Variants in NPAS3 observed in about 807,000 individuals in gnomAD.
NPAS3 encodes neuronal PAS domain-containing protein 3.
In NPAS3, 14 loss-of-function variants were observed where a neutral mutation model predicts 73.1. That is an observed-to-expected ratio of 0.19 (90% CI 0.13 to 0.30). The LOEUF (loss-of-function observed/expected upper bound fraction) is 0.30, where lower values mean the gene tolerates loss of function less well. Ranked by LOEUF, NPAS3 falls within the 10% of genes least tolerant of loss-of-function variation. NPAS3 has a pLI of 1.00. For missense variants in NPAS3, 1,096 were observed against 1,250.0 expected (o/e 0.88, Z 1.86); for synonymous variants, 620 against 541.5 (o/e 1.14, Z -2.01).
At chr14:33,621,234 A>G (rs2058067650) in intron 5 of NPAS3, among the ~76,000 whole-genome samples, 1 of 152,200 alleles carries the variant, frequency 6.6e-6, no homozygotes, top group Non-Finnish European at 1.5e-5. Flanking sequence ...ATGAGGAAGT[A>G]TCATGAAAGA....
At chr14:33,637,134 T>G (rs1186756024) in intron 5 of NPAS3, among the ~76,000 whole-genome samples, 1 of 152,162 alleles carries the variant, frequency 6.6e-6, no homozygotes, top group East Asian at 1.9e-4. Flanking sequence ...TTCTTTGGAG[T>G]GACTTTTAGT....
chr14:33,249,091 T>A (rs2048486949), intron 3 of NPAS3, among the ~76,000 whole-genome samples: 1 of 152,124 alleles, frequency 6.6e-6, no homozygotes, highest in African/African-American at 2.4e-5. Flanking sequence ...CTGACATGTC[T>A]GAGGAAATAA....
chr14:33,016,030 T>C (rs935465362), intron 1 of NPAS3, among the ~76,000 whole-genome samples: 2 of 151,600 alleles, frequency 1.3e-5, no homozygotes, highest in African/African-American at 4.8e-5. Context: ...GTCGTGTAGG[T>C]ATAGTAATGT....
intron 5 of NPAS3, among the ~76,000 whole-genome samples, chr14:33,590,863 A>G (rs1362703599): frequency 1.3e-5 from 2 of 152,158 alleles, no homozygotes; most frequent in African/African-American, 4.8e-5. Context: ...ATTTATTCCA[A>G]AAAGATTTAT....
intron 4 of NPAS3, among the ~76,000 whole-genome samples, chr14:33,558,519 C>T (rs1314840614): frequency 6.6e-6 from 1 of 151,972 alleles, no homozygotes; most frequent in Non-Finnish European, 1.5e-5. Context: ...CTTGGCTTCC[C>T]AAAGTGCTAG....
At chr14:33,657,484 T>G (rs941523887) in intron 5 of NPAS3, among the ~76,000 whole-genome samples, 23 of 152,238 alleles carry the variant, frequency 1.5e-4, no homozygotes, top group Middle Eastern at 3.2e-3. Context: ...TGTAGTTTCT[T>G]AAGTTCCTGG....
intron 2 of NPAS3, among the ~76,000 whole-genome samples, chr14:33,203,877 A>G (rs549487716): frequency 6.6e-6 from 1 of 152,278 alleles, no homozygotes; most frequent in South Asian, 2.1e-4. Flanking sequence ...TTCTAGTTCT[A>G]GATCCCTGAG....
chr14:33,375,909 G>A (rs2046293178), intron 4 of NPAS3, among the ~76,000 whole-genome samples: 1 of 152,154 alleles, frequency 6.6e-6, no homozygotes, highest in Non-Finnish European at 1.5e-5. Context: ...CTGGCAATGT[G>A]CATTTCACCT....
intron 4 of NPAS3, among the ~76,000 whole-genome samples, chr14:33,458,706 A>G (rs1373424325): frequency 6.6e-6 from 1 of 152,226 alleles, no homozygotes; most frequent in Admixed American, 6.5e-5. Context: ...TTTGTGTTAT[A>G]TGAAAAAGTC....
chr14:33,714,681 G>A (rs922341480), intron 6 of NPAS3, among the ~76,000 whole-genome samples: 1 of 152,086 alleles, frequency 6.6e-6, no homozygotes, highest in African/African-American at 2.4e-5. Context: ...AATTTATCCT[G>A]GAGTCATGAA....
chr14:33,728,348 C>A (rs967096639), intron 6 of NPAS3, among the ~76,000 whole-genome samples: 15 of 152,172 alleles, frequency 9.9e-5, no homozygotes, highest in African/African-American at 3.4e-4. Flanking sequence ...GTTATTACAT[C>A]ATTATTGAAT....
intron 5 of NPAS3, among the ~76,000 whole-genome samples, chr14:33,593,162 T>A (rs1464365135): frequency 6.6e-6 from 1 of 152,156 alleles, no homozygotes; most frequent in Non-Finnish European, 1.5e-5. Flanking sequence ...GTATCAGGCA[T>A]GGTACTAGAT....
chr14:33,255,526 T>A (rs918441162), intron 3 of NPAS3, among the ~76,000 whole-genome samples: 1 of 152,058 alleles, frequency 6.6e-6, no homozygotes, highest in Non-Finnish European at 1.5e-5. Context: ...TTAAAGTGTA[T>A]TTTTTTTCCA....
At chr14:33,145,725 C>G (rs1462173355) in intron 2 of NPAS3, among the ~76,000 whole-genome samples, 1 of 151,998 alleles carries the variant, frequency 6.6e-6, no homozygotes, top group Non-Finnish European at 1.5e-5. Context: ...ATTGCCTATT[C>G]GTTTCTTTCC....
At chr14:33,382,233 T>C (rs563580414) in intron 4 of NPAS3, among the ~76,000 whole-genome samples, 1 of 152,212 alleles carries the variant, frequency 6.6e-6, no homozygotes, top group Admixed American at 6.5e-5. Flanking sequence ...TTACAATTCA[T>C]TGCATTGAAA....
chr14:33,705,526 C>T (rs927925300), intron 6 of NPAS3, among the ~76,000 whole-genome samples: 1 of 152,182 alleles, frequency 6.6e-6, no homozygotes, highest in Non-Finnish European at 1.5e-5. Flanking sequence ...ATGAAAAAGA[C>T]TTTCTTTTGT....
At chr14:33,798,740 T>C (rs555418960) in intron 11 of NPAS3, among the ~76,000 whole-genome samples, 4 of 152,278 alleles carry the variant, frequency 2.6e-5, no homozygotes, top group African/African-American at 9.6e-5. Flanking sequence ...GAATTGGTAG[T>C]CTCTGCCCCT....
chr14:33,221,021 C>T (rs377515278), intron 3 of NPAS3, among the ~76,000 whole-genome samples: 29 of 152,284 alleles, frequency 1.9e-4, no homozygotes, highest in East Asian at 5.8e-4. Flanking sequence ...CATGGAGCTG[C>T]GGTTAGGCTG....
chr14:33,773,440 G>T (rs2062716571), intron 7 of NPAS3, among the ~76,000 whole-genome samples: 1 of 152,142 alleles, frequency 6.6e-6, no homozygotes, highest in African/African-American at 2.4e-5. Flanking sequence ...CCTTCCTTCT[G>T]CAACCTAAGG....
Sources: allele counts gnomAD v4.1 joint callset (sites outside exome capture counted in the v4.1 genomes callset), GRCh38; gene constraint gnomAD v4.1.1; transcripts MANE v1.5; gene names NCBI Gene and HGNC (gene_info 2026-07-23, HGNC 2026-07-21).